The following VAPB variants were observed in gnomAD, a reference collection of about 807,000 sequenced individuals.
VAPB encodes the protein VAMP associated protein B and C.
Under a neutral mutation model 25.6 loss-of-function variants are expected in VAPB, and 7 were observed. That is an observed-to-expected ratio of 0.27 (90% CI 0.16 to 0.51). The LOEUF is 0.51. Among genes scored for constraint, VAPB ranks in the 20% least tolerant of loss-of-function variants. The pLI is 0.97. For missense variants in VAPB, 266 were observed against 301.3 expected, an observed-to-expected ratio of 0.88 and a Z score of 0.87; for synonymous variants, 112 against 109.2, an observed-to-expected ratio of 1.03 and a Z score of -0.16.
chr20:58,413,779 CCT>C (rs1988444595), intron 1 of VAPB, among the ~76,000 whole-genome samples: 1 of 150,974 alleles, frequency 6.6e-6, no homozygotes. Context: ...GGGGGGCTGA[CCT>C]CCCCACCTCC....
At position 58,436,718 on chromosome 20, in the gene VAPB, T is replaced by G. The variant is rs867962650; in HGVS notation, c.315+2013T>G. On this transcript the variant is annotated intron_variant, in intron 3 of 5. Transcript: ENST00000475243. The stretch of plus-strand genomic sequence containing the variant: ...GGTGACCACTCATATAACTTTTACC[T>G]AGATTTACATTTGTTAACATGTTGT... Among the ~76,000 whole-genome samples the G allele has an allele frequency of 1.8e-4, 27 of 152,328 alleles. No individual in the cohort carries two copies. In the South Asian group the frequency reaches 1.9e-3, roughly 11 times the overall value.
chr20:58,419,526 GC>G (rs1420125560), intron 2 of VAPB, among the ~76,000 whole-genome samples: 1 of 152,176 alleles, frequency 6.6e-6, no homozygotes, highest in Non-Finnish European at 1.5e-5. Context: ...TCTCTTACCT[GC>G]CCTGTAAGGG....
intron 2 of VAPB, among the ~76,000 whole-genome samples, chr20:58,432,654 A>C (rs927688128): frequency 6.6e-6 from 1 of 152,248 alleles, no homozygotes; most frequent in Non-Finnish European, 1.5e-5. Context: ...TTCACAGAGC[A>C]TGTAAAGACA....
intron 2 of VAPB, among the ~76,000 whole-genome samples, chr20:58,421,837 A>G (rs571040456): frequency 6.6e-5 from 10 of 152,182 alleles, no homozygotes; most frequent in Non-Finnish European, 2.9e-5. Context: ...AGATTGTGAC[A>G]TGGAAAGCCA....
At position 58,450,751 on chromosome 20, in the gene VAPB, A is replaced by G. The variant is rs1354809407; in HGVS notation, c.*6516A>G. The stretch of plus-strand genomic sequence containing the variant: ...CATGTTAGGAACTGAGTATCTTAAG[A>G]GATGTCTTAGAATGCTTTAGTTTTC... On this transcript the variant is annotated 3_prime_UTR_variant, in exon 6 of 6. Transcript: ENST00000475243. 4.4e-6 allele frequency: 2 copies of G among 453,780 alleles called. No individual in the cohort carries two copies. Among genetic ancestry groups the G allele is most frequent in the Non-Finnish European group, 8.8e-6 (2 of 226,730 alleles). 28.1% of individuals were successfully genotyped at this position (453,780 alleles called of 1,614,324 possible).
At chr20:58,402,087 T>C (rs966665183) in intron 1 of VAPB, among the ~76,000 whole-genome samples, 2 of 152,210 alleles carry the variant, frequency 1.3e-5, no homozygotes, top group African/African-American at 4.8e-5. Flanking sequence ...TCTGAGCATA[T>C]CTCTTGCTTG....
chr20:58,405,137 T>G (rs1362106033), intron 1 of VAPB, among the ~76,000 whole-genome samples: 1 of 152,104 alleles, frequency 6.6e-6, no homozygotes, highest in Non-Finnish European at 1.5e-5. Context: ...TTAGGGAAGG[T>G]CATTTAAGTA....
chr20:58,420,397 A>G (rs1988644939), intron 2 of VAPB, among the ~76,000 whole-genome samples: 1 of 152,242 alleles, frequency 6.6e-6, no homozygotes, highest in African/African-American at 2.4e-5. Context: ...AAGGAAGACC[A>G]AGACTTTGTG....
chr20:58,395,324 G>C (rs576451111), intron 1 of VAPB, among the ~76,000 whole-genome samples: 3 of 151,962 alleles, frequency 2.0e-5, no homozygotes, highest in Non-Finnish European at 4.4e-5. Flanking sequence ...GCTAATTTTT[G>C]TATTTTTAAT....
rs930189578 is a variant in VAPB, at chr20:58,444,538, T to C, written c.*303T>C. 4.0e-6 allele frequency: 2 copies of C among 504,256 alleles called. No homozygotes were observed. Among genetic ancestry groups the C allele is most frequent in the Non-Finnish European group, 7.7e-6 (2 of 260,004 alleles). The allele number at this position is 504,256 out of a possible 1,614,324, so 31.2% of individuals were successfully genotyped here. On this transcript the variant is annotated 3_prime_UTR_variant, in exon 6 of 6. Coordinates refer to ENST00000475243, the MANE Select transcript of VAPB (RefSeq NM_004738.5). Reference sequence around the variant, plus strand: ...ATATTGTAAATGTCATTTTAAACATTGGTAGGCCTTGGTACATGATGCTGG... The same window carrying C: ...ATATTGTAAATGTCATTTTAAACATCGGTAGGCCTTGGTACATGATGCTGG...
intron 2 of VAPB, among the ~76,000 whole-genome samples, chr20:58,427,160 T>C (rs1361122542): frequency 6.6e-6 from 1 of 152,164 alleles, no homozygotes; most frequent in African/African-American, 2.4e-5. Context: ...GTTACCATTA[T>C]GATGCAGACG....
intron 2 of VAPB, among the ~76,000 whole-genome samples, chr20:58,419,806 A>T (rs899283768): frequency 6.6e-6 from 1 of 152,082 alleles, no homozygotes; most frequent in African/African-American, 2.4e-5. Context: ...CTCGATTTCC[A>T]TGCCTGTATC....
chr20:58,432,246 T>C (rs1988944051), intron 2 of VAPB: 1 of 152,188 alleles, frequency 6.6e-6, no homozygotes, highest in Non-Finnish European at 1.5e-5. Context: ...CATTGGTTTT[T>C]GTATTTCATC....
chr20:58,426,110 G>C (rs1988777251), intron 2 of VAPB, among the ~76,000 whole-genome samples: 2 of 152,142 alleles, frequency 1.3e-5, no homozygotes, highest in Admixed American at 1.3e-4. Flanking sequence ...TGGCCAGGCT[G>C]GCCTCAAACT....
At chr20:58,404,868 G>C (rs568004155) in intron 1 of VAPB, among the ~76,000 whole-genome samples, 1 of 152,210 alleles carries the variant, frequency 6.6e-6, no homozygotes, top group South Asian at 2.1e-4. Context: ...TAGCTTGAGA[G>C]CCTAGCACAG....
chr20:58,430,017 G>A (rs976610322), intron 2 of VAPB, among the ~76,000 whole-genome samples: 2 of 109,216 alleles, frequency 1.8e-5, no homozygotes, highest in African/African-American at 6.4e-5. Context: ...AGGCCAGCCT[G>A]GACAACATAG....
chr20:58,429,062 G>A (rs1272140936), intron 2 of VAPB, among the ~76,000 whole-genome samples: 1 of 152,130 alleles, frequency 6.6e-6, no homozygotes, highest in East Asian at 1.9e-4. Context: ...GAGATTGTAG[G>A]CGTGTAAATG....
intron 1 of VAPB, among the ~76,000 whole-genome samples, chr20:58,391,288 A>G (rs1008644726): frequency 2.0e-5 from 3 of 152,142 alleles, no homozygotes; most frequent in Non-Finnish European, 2.9e-5. Flanking sequence ...ACCTCCTCCC[A>G]GTACTTTAGG....
At chr20:58,405,381 G>A (rs973413747) in intron 1 of VAPB, among the ~76,000 whole-genome samples, 3 of 152,202 alleles carry the variant, frequency 2.0e-5, no homozygotes, top group South Asian at 4.1e-4. Flanking sequence ...GAGCCTTGCC[G>A]GTAGGCAGGC....
Sources: gnomAD v4.1 joint callset for allele counts (sites outside exome capture counted in the v4.1 genomes callset) on GRCh38, gnomAD v4.1.1 for gene constraint, MANE v1.5 for transcripts, NCBI Gene and HGNC (gene_info 2026-07-23, HGNC 2026-07-21) for gene names.